PCCA: variants seen among roughly 807,000 people sequenced by gnomAD.
The protein encoded by PCCA is propionyl-CoA carboxylase alpha chain, mitochondrial.
In PCCA, 74 loss-of-function variants were observed where a neutral mutation model predicts 101.3. The observed-to-expected ratio is 0.73, with a 90% CI of 0.61 to 0.89. The LOEUF is 0.89. PCCA is among the 40% of genes least tolerant of loss of function. The pLI is 0.00. For missense variants in PCCA, 891 were observed against 907.0 expected (o/e 0.98, Z 0.23); for synonymous variants, 294 against 313.6 (o/e 0.94, Z 0.66).
At position 100,344,161 on chromosome 13, in the gene PCCA, A is replaced by G. The variant is rs187273521; in HGVS notation, c.1643+3902A>G. ...AAAAAACTGTAAATGTGGTACCAAC[A>G]AAGGGCTTGAAAGAGGTGGGAAGTA... On this transcript the variant is annotated intron_variant, in intron 18 of 23. Coordinates refer to ENST00000376285, the MANE Select transcript of PCCA (RefSeq NM_000282.4). Among the ~76,000 whole-genome samples, 137 of 152,366 alleles carry G rather than the reference A, an allele frequency of 9.0e-4. 1 individual carries two copies. Among genetic ancestry groups the G allele is most frequent in the African/African-American group, 3.1e-3 (127 of 41,596 alleles).
At chr13:100,463,857 T>C (rs2082334638) in intron 21 of PCCA, among the ~76,000 whole-genome samples, 1 of 152,218 alleles carries the variant, frequency 6.6e-6, no homozygotes, top group African/African-American at 2.4e-5. Flanking sequence ...ATATATACTA[T>C]TAGAAGCCAG....
chr13:100,236,959 T>C (rs2060839755), intron 8 of PCCA: 1 of 152,212 alleles, frequency 6.6e-6, no homozygotes, highest in African/African-American at 2.4e-5. Context: ...TAGGCAATGC[T>C]TGTAGGGATC....
rs573143189 is a variant in PCCA, at chr13:100,173,226, A to G, written c.468+15886A>G. ...GAGAATAGTGGAAGCAGCAGTGGTGATCTGTAGTGGTGTCTACAGTGTGCT... is the reference window on the plus strand; with the variant it reads ...GAGAATAGTGGAAGCAGCAGTGGTGGTCTGTAGTGGTGTCTACAGTGTGCT... On this transcript the variant is annotated intron_variant, in intron 6 of 23. Coordinates refer to ENST00000376285, the MANE Select transcript of PCCA (RefSeq NM_000282.4). Among the ~76,000 whole-genome samples the G allele has an allele frequency of 7.2e-5, 11 of 152,322 alleles. No homozygotes were observed. The South Asian group carries it at 2.3e-3, about 32-fold the overall frequency.
At chr13:100,249,738 T>C (rs899967756) in intron 8 of PCCA, among the ~76,000 whole-genome samples, 2 of 152,184 alleles carry the variant, frequency 1.3e-5, no homozygotes, top group Non-Finnish European at 2.9e-5. Context: ...TAGATTTTCA[T>C]CCATTTCTTT....
intron 4 of PCCA, among the ~76,000 whole-genome samples, chr13:100,147,786 T>G (rs1220506705): frequency 6.6e-6 from 1 of 152,162 alleles, no homozygotes; most frequent in Non-Finnish European, 1.5e-5. Flanking sequence ...ATTTATTTCT[T>G]TTTTTACTAC....
At chr13:100,352,531 A>C (rs1595529222) in intron 18 of PCCA, among the ~76,000 whole-genome samples, 2 of 151,448 alleles carry the variant, frequency 1.3e-5, no homozygotes. Flanking sequence ...AGTAGCTGGT[A>C]CTAGAGTGCA....
chr13:100,513,520 A>G (rs751851679), intron 21 of PCCA, among the ~76,000 whole-genome samples: 1 of 152,228 alleles, frequency 6.6e-6, no homozygotes, highest in Non-Finnish European at 1.5e-5. Context: ...AAAATAGTAA[A>G]AGGATCCAGT....
intron 16 of PCCA, among the ~76,000 whole-genome samples, chr13:100,319,179 GTTGT>G (rs1410098652): frequency 6.6e-6 from 1 of 152,154 alleles, no homozygotes; most frequent in Non-Finnish European, 1.5e-5. Context: ...TTTTGATGGG[GTTGT>G]TTGTTTTTTT....
At chr13:100,310,792 A>T (rs139661698) in intron 16 of PCCA, among the ~76,000 whole-genome samples, 1 of 152,180 alleles carries the variant, frequency 6.6e-6, no homozygotes, top group Non-Finnish European at 1.5e-5. Flanking sequence ...TCCTAACTTT[A>T]TATGTGTCAC....
intron 21 of PCCA, among the ~76,000 whole-genome samples, chr13:100,467,659 C>T (rs1481934127): frequency 1.3e-5 from 2 of 152,204 alleles, no homozygotes; most frequent in African/African-American, 2.4e-5. Flanking sequence ...CGTGAGCCAC[C>T]GCGCCTGGCA....
At chr13:100,353,013 A>C (rs749859922) in intron 18 of PCCA, among the ~76,000 whole-genome samples, 3 of 152,214 alleles carry the variant, frequency 2.0e-5, no homozygotes, top group Non-Finnish European at 4.4e-5. Flanking sequence ...TGCCAAGACA[A>C]AATATTGTTC....
intron 19 of PCCA, among the ~76,000 whole-genome samples, chr13:100,423,029 T>A (rs564773482): frequency 7.9e-5 from 12 of 152,088 alleles, no homozygotes; most frequent in African/African-American, 2.9e-4. Flanking sequence ...TTCCAAATTG[T>A]ATGCAGACAT....
rs567732190 is a variant in PCCA, at chr13:100,097,791, C to G, written c.106-5092C>G. Among the ~76,000 whole-genome samples, 3 of 152,230 alleles carry G rather than the reference C, an allele frequency of 2.0e-5. No individual in the cohort carries two copies. In the South Asian group the frequency reaches 6.2e-4, roughly 32 times the overall value. On this transcript the variant is annotated intron_variant, in intron 1 of 23. Coordinates refer to ENST00000376285, the MANE Select transcript of PCCA (RefSeq NM_000282.4). ...AGCAAAGAGGCCAAGGTGGGAGGAT[C>G]ACTTGAGGCCAGCAGTTCAAGACCA...
intron 19 of PCCA, among the ~76,000 whole-genome samples, chr13:100,373,936 A>T (rs911121514): frequency 1.3e-5 from 2 of 151,804 alleles, no homozygotes; most frequent in African/African-American, 4.8e-5. Context: ...ACATAGTGAA[A>T]CCCCGTCTCT....
chr13:100,254,804 A>G (rs1344985685), intron 8 of PCCA, among the ~76,000 whole-genome samples: 1 of 152,168 alleles, frequency 6.6e-6, no homozygotes, highest in Non-Finnish European at 1.5e-5. Context: ...AGTATCAGCC[A>G]GGTTCAGTGG....
chr13:100,346,219 C>T (rs1376725164), intron 18 of PCCA, among the ~76,000 whole-genome samples: 2 of 152,126 alleles, frequency 1.3e-5, no homozygotes, highest in Non-Finnish European at 2.9e-5. Context: ...TGGATCTGGA[C>T]AAAGCAAATT....
chr13:100,270,585 GA>G lies in PCCA; in HGVS notation c.914+1809del, dbSNP rs569203133. On this transcript the variant is annotated intron_variant, in intron 11 of 23. Transcript: ENST00000376285. ...TGAATACCTTATCTACTTATTTAGA[GA>G]AAAAAAGGAAAATATACAGCAGTAG... Among the ~76,000 whole-genome samples the G allele has an allele frequency of 2.1e-3, 325 of 151,844 alleles. 2 individuals are homozygous for G. The highest frequency in any genetic ancestry group is 7.3e-3 in the African/African-American group (304 of 41,420).
intron 6 of PCCA, among the ~76,000 whole-genome samples, chr13:100,176,579 G>A (rs1336095158): frequency 2.0e-5 from 3 of 152,158 alleles, no homozygotes; most frequent in Non-Finnish European, 4.4e-5. Context: ...AAGAGAATTT[G>A]TTCAGAATTG....
intron 10 of PCCA, among the ~76,000 whole-genome samples, chr13:100,263,806 CAGTATCTGTATATCATATATAT>C (rs1566821618): frequency 0.012 from 1,640 of 133,696 alleles, 41 homozygotes; most frequent in Non-Finnish European, 0.016. Flanking sequence ...ATCATATATA[CAGTATCTGTATATCATATATAT>C]GGTATCTGTA....
Sources: allele counts gnomAD v4.1 joint callset (sites outside exome capture counted in the v4.1 genomes callset), GRCh38; gene constraint gnomAD v4.1.1; transcripts MANE v1.5; gene names NCBI Gene and HGNC (gene_info 2026-07-23, HGNC 2026-07-21).